ATP2B3: variants seen among roughly 807,000 people sequenced by gnomAD.
ATP2B3 encodes ATPase plasma membrane Ca2+ transporting 3.
A neutral mutation model predicts 70.8 loss-of-function variants in ATP2B3; 12 were observed. The ratio of observed to expected loss-of-function variants is 0.17; its 90% CI spans 0.11 to 0.27. The LOEUF is 0.27. Ranked by LOEUF, ATP2B3 falls within the 10% of genes least tolerant of loss-of-function variation. The pLI, the probability that ATP2B3 is intolerant of heterozygous loss-of-function variation, is 1.00. For synonymous variants in ATP2B3, 460 were observed against 497.8 expected (o/e 0.92, Z 1.01); for missense variants, 858 against 1,118.5 (o/e 0.77, Z 3.32).
At chrX:153,578,637 G>T (rs979833959) in intron 21 of ATP2B3, among the ~76,000 whole-genome samples, 1 of 112,753 alleles carries the variant, frequency 8.9e-6, no homozygotes, top group Non-Finnish European at 1.9e-5. Context: ...GCGCTCAGCT[G>T]GGGGCAGAGG....
chrX:153,558,326 C>T, intron 17 of ATP2B3, 23 bp downstream of exon 17: 1 of 1,183,179 alleles, frequency 8.5e-7, no homozygotes, highest in Non-Finnish European at 1.1e-6. Context: ...GGCTGCCATG[C>T]CCCAGCTAGG....
rs781820891 is a variant in ATP2B3 at position 153,541,353 on chromosome X, A to G, written c.209-6A>G. On this transcript the variant is annotated splice_polypyrimidine_tract_variant and splice_region_variant and intron_variant, in intron 3 of 21. Transcript: ENST00000263519. ...TCCCCTTCTGTGCTTCCGGGGCACC[A>G]TGCAGGCCTGGCGGACAACACCAAT... 1.2e-5 allele frequency: 15 copies of G among 1,210,580 alleles called. No homozygotes were observed. In the South Asian group the frequency reaches 2.5e-4, roughly 20 times the overall value.
chrX:153,578,140 T>C (rs2090879402), intron 21 of ATP2B3, among the ~76,000 whole-genome samples: 2 of 112,684 alleles, frequency 1.8e-5, no homozygotes, highest in Non-Finnish European at 1.9e-5. Flanking sequence ...AGCATGAAAC[T>C]TAAACCAGTA....
Position 153,564,836 on chromosome X carries a change from G to A in ATP2B3, c.3160-85G>A, listed in dbSNP as rs781947568. 588 of 946,041 alleles carry A rather than the reference G, an allele frequency of 6.2e-4. 1 individual carries two copies. The highest frequency in any genetic ancestry group is 8.1e-4 in the Non-Finnish European group (574 of 708,376). 78.0% of individuals were successfully genotyped at this position (946,041 alleles called of 1,213,427 possible). On this transcript the variant is annotated intron_variant, in intron 20 of 21. Coordinates refer to ENST00000263519, the MANE Select transcript of ATP2B3 (RefSeq NM_001001344.3). ...TGACATCCTTTGGAAGAAGGAGGCCGGCGTCTCCCTCTGGAGAGGGACCTT... is the reference window on the plus strand; with the variant it reads ...TGACATCCTTTGGAAGAAGGAGGCCAGCGTCTCCCTCTGGAGAGGGACCTT...
rs782194935 is a variant in ATP2B3 at position 153,541,791 on chromosome X, A to C, written c.529A>C (p.Ser177Arg). 1 of 1,211,277 alleles carries C rather than the reference A, an allele frequency of 8.3e-7. No individual in the cohort carries two copies. The highest frequency in any genetic ancestry group is 1.1e-6 in the Non-Finnish European group (1 of 895,408). The change falls in exon 5 of 22, where the codon AGC becomes CGC. Residue 177 changes from serine to arginine, a missense_variant. Ser to Arg is a moderately radical substitution (Grantham distance 110, BLOSUM62 -1). Transcript: ENST00000263519. Reference protein sequence around the residue: ...VVLVTAFNDWSKEKQFRGLQS... With the variant: ...VVLVTAFNDWRKEKQFRGLQS... ...GCTGGTCACGGCCTTCAATGACTGGAGCAAGGAGAAGCAGTTCCGAGGCCT... is the reference window on the plus strand; with the variant it reads ...GCTGGTCACGGCCTTCAATGACTGGCGCAAGGAGAAGCAGTTCCGAGGCCT...
intron 7 of ATP2B3, among the ~76,000 whole-genome samples, chrX:153,545,774 T>C (rs2090356331): frequency 8.9e-6 from 1 of 112,056 alleles, no homozygotes; most frequent in Non-Finnish European, 1.9e-5. Context: ...CGTCCCGACT[T>C]GGGGAGGTTC....
chrX:153,553,540 T>C (rs2090490350), intron 13 of ATP2B3, among the ~76,000 whole-genome samples: 1 of 111,722 alleles, frequency 9.0e-6, no homozygotes. Context: ...CCGTCGACAT[T>C]TGGGATCTGA....
At chrX:153,575,660 G>A (rs1439196584) in intron 21 of ATP2B3, among the ~76,000 whole-genome samples, 3 of 111,945 alleles carry the variant, frequency 2.7e-5, no homozygotes, top group African/African-American at 9.7e-5. Context: ...GGGGGGGTTG[G>A]GCCTGCTAAG....
rs782241566 is a variant in ATP2B3, at chrX:153,543,161, T to G, written c.909T>G (p.Asp303Glu). Reference protein sequence around the residue: ...GAGGEEEEKKDKKGKQQDGAM... With the variant: ...GAGGEEEEKKEKKGKQQDGAM... ...GCGGAGAGGAGGAAGAGAAGAAAGA[T>G]AAGAAAGGTAGCGCAGCAGTGCCGC... Residue 303 changes from aspartate (D) to glutamate (E), a missense_variant, in exon 7 of 22, where the codon GAT (aspartate) becomes GAG (glutamate). Asp to Glu is a conservative substitution (Grantham distance 45, BLOSUM62 2). Coordinates refer to ENST00000263519, the MANE Select transcript of ATP2B3 (RefSeq NM_001001344.3). 4 of 1,209,533 alleles carry G rather than the reference T, an allele frequency of 3.3e-6. No homozygotes were observed. Among genetic ancestry groups the G allele is most frequent in the Non-Finnish European group, 4.5e-6 (4 of 894,510 alleles).
chrX:153,559,467 T>C, intron 17 of ATP2B3: 1 of 384,233 alleles, frequency 2.6e-6, no homozygotes, highest in South Asian at 4.9e-5. Context: ...TCGGGCTGTT[T>C]TGTGGTCTGG....
At chrX:153,523,631 G>A (rs1556998617) in intron 2 of ATP2B3, among the ~76,000 whole-genome samples, 1 of 107,683 alleles carries the variant, frequency 9.3e-6, no homozygotes. Context: ...GAGGGGGCAC[G>A]TTTTTCCTCA....
chrX:153,518,223 G>A (rs1282165445), intron 1 of ATP2B3, among the ~76,000 whole-genome samples: 2 of 112,868 alleles, frequency 1.8e-5, no homozygotes, highest in Non-Finnish European at 3.8e-5. Context: ...GATCTGGGCC[G>A]GGAGCCCGCC....
Position 153,580,289 on chromosome X carries a change from G to GC in ATP2B3, c.3654_3655insC (p.Ser1219LeufsTer74), listed in dbSNP as rs782218676. 2.2e-4 allele frequency: 267 copies of GC among 1,204,145 alleles called. No individual in the cohort carries two copies. Among genetic ancestry groups the GC allele is most frequent in the Non-Finnish European group, 2.9e-4 (258 of 890,678 alleles). ...GGAGCCCGCTCCACAGCGTGGAGAC[G>GC]TCCCTCTAACAAGAACTTGTCTCAG... On this transcript the variant is annotated frameshift_variant, in exon 22 of 22. Coordinates refer to ENST00000263519, the MANE Select transcript of ATP2B3 (RefSeq NM_001001344.3). LOFTEE classifies it high-confidence loss of function.
In ATP2B3 at chrX:153,580,165, C is replaced by T; in HGVS notation, c.3530C>T (p.Pro1177Leu). ...GAGCGCCTCCGGGCCCCCCCGCCCC[C>T]GTCCCCCAACCAGAACAACAACGCC... ...NEERLRAPPP[P>L]SPNQNNNAID... Residue 1177 changes from proline (P) to leucine (L), a missense_variant, in exon 22 of 22, where the codon CCG becomes CTG. Physicochemically the swap from Pro to Leu is moderately conservative, Grantham distance 98. Coordinates refer to ENST00000263519, the MANE Select transcript of ATP2B3 (RefSeq NM_001001344.3). The T allele has an allele frequency of 5.8e-6, 7 of 1,204,369 alleles. No individual in the cohort carries two copies. Among genetic ancestry groups the T allele is most frequent in the South Asian group, 1.8e-5 (1 of 56,476 alleles).
chrX:153,543,996 C>T (rs1182957632), intron 7 of ATP2B3, among the ~76,000 whole-genome samples: 5 of 113,110 alleles, frequency 4.4e-5, no homozygotes, highest in East Asian at 2.8e-4. Flanking sequence ...AAGGTCAGCC[C>T]TGAGCCCAAA....
At position 153,536,265 on chromosome X, in the gene ATP2B3, T is replaced by C. The variant is rs782427892; in HGVS notation, c.18T>C (p.Asn6=). MGDMA[N]SSIEFHPKPQ... ...CAGGCAGCATGGGCGACATGGCCAA[T>C]AGTTCCATCGAGTTCCACCCCAAGC... Residue 6 remains asparagine, a synonymous_variant, in exon 3 of 22, where the codon AAT becomes AAC. Transcript: ENST00000263519. The C allele has an allele frequency of 1.8e-5, 21 of 1,196,296 alleles. No individual in the cohort carries two copies. The highest frequency in any genetic ancestry group is 2.1e-5 in the Non-Finnish European group (19 of 887,804).
intron 2 of ATP2B3, among the ~76,000 whole-genome samples, chrX:153,519,448 G>A (rs782434659): frequency 8.9e-5 from 10 of 111,917 alleles, no homozygotes; most frequent in Non-Finnish European, 1.9e-4. Flanking sequence ...GTGAATGGCT[G>A]TTTTCATCCC....
intron 8 of ATP2B3, among the ~76,000 whole-genome samples, chrX:153,547,165 G>A (rs782223021): frequency 1.8e-5 from 2 of 111,369 alleles, no homozygotes; most frequent in Non-Finnish European, 3.8e-5. Flanking sequence ...CGTGGAGTGG[G>A]TGCGGCCAGA....
chrX:153,559,974 C>T (rs377517096), intron 18 of ATP2B3, 32 bp downstream of exon 18: 163 of 1,176,880 alleles, frequency 1.4e-4, no homozygotes, highest in Non-Finnish European at 1.8e-4. Flanking sequence ...GGGAGGACTT[C>T]AGGACACTGT....
Sources: allele counts gnomAD v4.1 joint callset (sites outside exome capture counted in the v4.1 genomes callset), GRCh38; gene constraint gnomAD v4.1.1; transcripts MANE v1.5; gene names NCBI Gene and HGNC (gene_info 2026-07-23, HGNC 2026-07-21).